Variants in PIWIL1 observed in about 807,000 individuals in gnomAD.
PIWIL1 encodes the protein piwi-like protein 1.
PIWIL1 carries 73 observed loss-of-function variants against 114.4 expected under a neutral mutation model. That is an observed-to-expected ratio of 0.64 (90% CI 0.53 to 0.78). The LOEUF is 0.78. Ranked by LOEUF, PIWIL1 falls within the 30% of genes least tolerant of loss-of-function variation. PIWIL1 has a pLI of 0.00. For missense variants in PIWIL1, 723 were observed against 1,063.1 expected (o/e 0.68, Z 4.45); for synonymous variants, 375 against 369.0 (o/e 1.02, Z -0.19).
chr12:130,405,726 A>G, the PIWIL1 span, among the ~76,000 whole-genome samples: 3 of 151,904 alleles, frequency 2.0e-5, no homozygotes, highest in Non-Finnish European at 2.9e-5. Context: ...GGCTCTAGAA[A>G]AAAGGTAAGG....
At chr12:130,343,991 C>G (rs1343097983) in intron 3 of PIWIL1, among the ~76,000 whole-genome samples, 2 of 152,168 alleles carry the variant, frequency 1.3e-5, no homozygotes, top group Non-Finnish European at 2.9e-5. Flanking sequence ...TAAAATCACT[C>G]TAGGAGCTGC....
chr12:130,402,530 A>G, the PIWIL1 span, among the ~76,000 whole-genome samples: 1 of 152,140 alleles, frequency 6.6e-6, no homozygotes, highest in Non-Finnish European at 1.5e-5. Context: ...GTGTACCATC[A>G]AAACCCTTTA....
intron 20 of PIWIL1, 73 bp downstream of exon 20, chr12:130,371,396 A>C: frequency 5.0e-6 from 8 of 1,611,274 alleles, no homozygotes; most frequent in Non-Finnish European, 6.8e-6. Flanking sequence ...GCTGTGGTTT[A>C]AAAGGCTTTT....
At chr12:130,402,682 T>G in the PIWIL1 span, among the ~76,000 whole-genome samples, 2 of 152,214 alleles carry the variant, frequency 1.3e-5, no homozygotes, top group Non-Finnish European at 2.9e-5. Context: ...GGAGGCCTAA[T>G]GTCCAGACAG....
chr12:130,422,442 G>A, the PIWIL1 span: 8 of 1,580,590 alleles, frequency 5.1e-6, no homozygotes, highest in Non-Finnish European at 6.9e-6. This position sits in a 1 kb window ranked among gnomAD's most constrained non-coding sequence, Gnocchi z 5.2. Context: ...AGCGATGATG[G>A]GGCCACTAAC....
chr12:130,395,585 T>TCAA, the PIWIL1 span, among the ~76,000 whole-genome samples: 2 of 152,354 alleles, frequency 1.3e-5, no homozygotes, highest in African/African-American at 4.8e-5. Flanking sequence ...TAGCAACTCT[T>TCAA]CAACTTTTCC....
the PIWIL1 span, among the ~76,000 whole-genome samples, chr12:130,405,308 AGAG>A: frequency 6.6e-6 from 1 of 152,220 alleles, no homozygotes; most frequent in Non-Finnish European, 1.5e-5. Context: ...GAAACCAGGC[AGAG>A]GAGAGAGCCT....
chr12:130,407,656 G>T, the PIWIL1 span: 2 of 1,230,746 alleles, frequency 1.6e-6, no homozygotes, highest in South Asian at 1.2e-5. Context: ...CGTGGCCTCA[G>T]TGTGGTGTAC....
chr12:130,399,680 C>T, the PIWIL1 span: 2 of 1,614,096 alleles, frequency 1.2e-6, no homozygotes, highest in Non-Finnish European at 1.7e-6. Flanking sequence ...TTTGCTTACC[C>T]TTTTTGCCTT....
At chr12:130,390,969 T>C in the PIWIL1 span, among the ~76,000 whole-genome samples, 1 of 152,212 alleles carries the variant, frequency 6.6e-6, no homozygotes, top group Admixed American at 6.5e-5. Context: ...CCCCACATAG[T>C]TCTCTGTGCA....
chr12:130,361,118 C>T (rs2073497259), intron 14 of PIWIL1, 62 bp from the exon 15 acceptor site: 2 of 1,474,712 alleles, frequency 1.4e-6, no homozygotes. Context: ...GTTTCCTGTC[C>T]TCTCCCTTGC....
At chr12:130,355,431 C>T (rs1225593883) in intron 11 of PIWIL1, 122 bp from the exon 12 acceptor site, 4 of 747,580 alleles carry the variant, frequency 5.4e-6, no homozygotes, top group Non-Finnish European at 9.5e-6. Flanking sequence ...GGCATTCTCA[C>T]CAGCGCCTTC....
chr12:130,399,888 A>G, the PIWIL1 span: 7 of 1,520,592 alleles, frequency 4.6e-6, no homozygotes, highest in Non-Finnish European at 6.3e-6. Flanking sequence ...CTAAAGGAAT[A>G]CAGCTCAGAG....
At chr12:130,414,921 C>A in the PIWIL1 span, among the ~76,000 whole-genome samples, 1 of 152,130 alleles carries the variant, frequency 6.6e-6, no homozygotes, top group African/African-American at 2.4e-5. Flanking sequence ...AAATCGAAAC[C>A]CTGAATAGAC....
In PIWIL1 at chr12:130,371,726, C is replaced by A. The variant is rs2073821320; in HGVS notation, c.*128C>A. On this transcript the variant is annotated 3_prime_UTR_variant, in exon 21 of 21. Transcript: ENST00000245255. ...TTGGGAAGGGGATTAGGAGATCTAGCATTTTATTTCTAGCATTGCTATTCA... is the reference window on the plus strand; with the variant it reads ...TTGGGAAGGGGATTAGGAGATCTAGAATTTTATTTCTAGCATTGCTATTCA... The A allele has an allele frequency of 1.1e-5, 6 of 538,010 alleles. No individual in the cohort carries two copies. The South Asian group carries it at 2.1e-4, about 19-fold the overall frequency. The allele number at this position is 538,010 out of a possible 1,614,324, so 33.3% of individuals were successfully genotyped here. A position where few individuals can be genotyped will look rare whatever the true frequency, so the allele number is the denominator to read the frequency against.
chr12:130,424,434 C>A, the PIWIL1 span: 1 of 1,232,696 alleles, frequency 8.1e-7, no homozygotes, highest in Non-Finnish European at 1.0e-6. The surrounding 1 kb of genome is among the most constrained non-coding windows in gnomAD (Gnocchi z 9.8). Flanking sequence ...GGGACAGTGA[C>A]CAGGGCCTGG....
chr12:130,423,336 T>C, the PIWIL1 span, among the ~76,000 whole-genome samples: 2 of 152,172 alleles, frequency 1.3e-5, no homozygotes, highest in African/African-American at 2.4e-5. Context: ...CGTGGGCGGC[T>C]GAGTCACTGA....
At chr12:130,389,901 G>C in the PIWIL1 span, among the ~76,000 whole-genome samples, 3 of 152,002 alleles carry the variant, frequency 2.0e-5, no homozygotes, top group African/African-American at 7.2e-5. Context: ...TTGTAATCCA[G>C]CTCTCTCTCT....
the PIWIL1 span, chr12:130,397,623 G>A: frequency 7.5e-6 from 3 of 397,852 alleles, no homozygotes; most frequent in Non-Finnish European, 1.3e-5. Flanking sequence ...ACATCGTACT[G>A]TCCCCGTTTC....
Sources: gnomAD v4.1 joint callset for allele counts (sites outside exome capture counted in the v4.1 genomes callset) on GRCh38, gnomAD v4.1.1 for gene constraint, Gnocchi (gnomAD v3.1) non-coding constraint, MANE v1.5 for transcripts, NCBI Gene and HGNC (gene_info 2026-07-23, HGNC 2026-07-21) for gene names.